The following FAM135B variants were observed in gnomAD, a reference collection of about 807,000 sequenced individuals.
The protein encoded by FAM135B is family with sequence similarity 135 member B.
Under a neutral mutation model 127.7 loss-of-function variants are expected in FAM135B, and 43 were observed. The ratio of observed to expected loss-of-function variants is 0.34; its 90% confidence interval spans 0.26 to 0.43. The LOEUF (loss-of-function observed/expected upper bound fraction) is 0.43. FAM135B is among the 20% of genes least tolerant of loss of function. The probability of loss-of-function intolerance (pLI) is 1.00; values close to 1 mark genes in which losing one functional copy is unlikely to be tolerated. For missense variants in FAM135B, 1,558 were observed against 1,725.6 expected, an observed-to-expected ratio of 0.90 and a Z score of 1.72; for synonymous variants, 670 against 665.1, an observed-to-expected ratio of 1.01 and a Z score of -0.11.
At chr8:138,331,312 C>T (rs946960564) in intron 2 of FAM135B, among the ~76,000 whole-genome samples, 11 of 152,148 alleles carry the variant, frequency 7.2e-5, no homozygotes, top group East Asian at 1.9e-4. Flanking sequence ...CAAAGGTCTT[C>T]GCAGCATTTT....
At chr8:138,291,310 A>G (rs1825093269) in intron 3 of FAM135B, among the ~76,000 whole-genome samples, 2 of 152,182 alleles carry the variant, frequency 1.3e-5, no homozygotes, top group South Asian at 2.1e-4. Flanking sequence ...TTTCTAAGGC[A>G]AGAGACAAAG....
At chr8:138,366,515 C>A (rs1298895750) in intron 2 of FAM135B, among the ~76,000 whole-genome samples, 1 of 152,184 alleles carries the variant, frequency 6.6e-6, no homozygotes, top group Non-Finnish European at 1.5e-5. Flanking sequence ...AAAGCTCAGC[C>A]TCTGTGAATG....
chr8:138,437,910 CATT>C (rs751364797), intron 1 of FAM135B: 1 of 152,136 alleles, frequency 6.6e-6, no homozygotes, highest in Non-Finnish European at 1.5e-5. Context: ...ACATTATTGT[CATT>C]ATAATTCCGA....
chr8:138,384,224 T>C (rs948776355), intron 1 of FAM135B, among the ~76,000 whole-genome samples: 1 of 152,182 alleles, frequency 6.6e-6, no homozygotes, highest in Non-Finnish European at 1.5e-5. Flanking sequence ...ACTGTTGCAA[T>C]GGGCCGGGCC....
chr8:138,151,559 C>A lies in FAM135B; in HGVS notation c.2916G>T (p.Val972=), dbSNP rs1254805980. 2 of 1,614,104 alleles carry A rather than the reference C, an allele frequency of 1.2e-6. No homozygotes were observed. The highest frequency in any genetic ancestry group is 2.2e-5 in the South Asian group (2 of 91,088). The change falls in exon 13 of 20, where the codon GTG becomes GTT. Residue 972 remains valine (V), a synonymous_variant. Coordinates refer to ENST00000395297, the MANE Select transcript of FAM135B (RefSeq NM_015912.4). Reference sequence around the variant, plus strand: ...TATGTTTAGCCTCCGGGAAGGCATTCACTCCTCTATTAAATGCTGTGTCAT... The same window carrying A: ...TATGTTTAGCCTCCGGGAAGGCATTAACTCCTCTATTAAATGCTGTGTCAT... ...IMDDTAFNRG[V]NAFPEAKHKA...
upstream of FAM135B, among the ~76,000 whole-genome samples, chr8:138,497,461 C>G (rs956685381): frequency 6.6e-6 from 1 of 152,092 alleles, no homozygotes; most frequent in Non-Finnish European, 1.5e-5. Context: ...CGGGGCTCCC[C>G]TCTCGAGCCA....
intron 7 of FAM135B, among the ~76,000 whole-genome samples, chr8:138,232,542 G>A (rs956765484): frequency 3.9e-5 from 6 of 152,164 alleles, no homozygotes; most frequent in African/African-American, 1.2e-4. Flanking sequence ...GCCCCCCTTA[G>A]TGTGTGTATG....
At chr8:138,276,195 G>A (rs1563847477) in intron 3 of FAM135B, among the ~76,000 whole-genome samples, 1 of 152,182 alleles carries the variant, frequency 6.6e-6, no homozygotes, top group African/African-American at 2.4e-5. Context: ...TCAGCAAATT[G>A]GAGGCAAAGA....
chr8:138,444,966 G>A (rs1355015120), intron 1 of FAM135B, among the ~76,000 whole-genome samples: 11 of 151,726 alleles, frequency 7.2e-5, no homozygotes, highest in Admixed American at 4.6e-4. Context: ...AATGATAAAG[G>A]GGATATCACC....
intron 2 of FAM135B, among the ~76,000 whole-genome samples, chr8:138,348,623 C>A (rs1322072671): frequency 6.6e-6 from 1 of 152,172 alleles, no homozygotes; most frequent in Non-Finnish European, 1.5e-5. Context: ...CTAATGACTG[C>A]CCACAACAAC....
intron 1 of FAM135B, among the ~76,000 whole-genome samples, chr8:138,384,831 C>T (rs1035084544): frequency 1.3e-5 from 2 of 152,134 alleles, no homozygotes; most frequent in African/African-American, 2.4e-5. Flanking sequence ...AGCCCCCACA[C>T]TGCATCTCTG....
intron 7 of FAM135B, among the ~76,000 whole-genome samples, chr8:138,226,518 T>G (rs572495659): frequency 3.9e-5 from 6 of 152,272 alleles, no homozygotes; most frequent in East Asian, 3.9e-4. Flanking sequence ...GCAAAGGCCC[T>G]GTGGTTGCAC....
At position 138,146,182 on chromosome 8, in the gene FAM135B, A is replaced by G; in HGVS notation, c.3449-132T>C. 5.0e-6 allele frequency: 3 copies of G among 594,990 alleles called. 1 individual carries two copies. In the South Asian group the frequency reaches 6.8e-5, roughly 13 times the overall value. The allele number at this position is 594,990 out of a possible 1,614,324, so 36.9% of individuals were successfully genotyped here. The stretch of plus-strand genomic sequence containing the variant: ...TTTGTCACTTTTGGTTAAGTAGATA[A>G]TATAAACAACTAAAACAGCTAGAAA... On this transcript the variant is annotated intron_variant, in intron 14 of 19. Transcript: ENST00000395297.
intron 3 of FAM135B, among the ~76,000 whole-genome samples, chr8:138,305,965 T>G (rs1288926063): frequency 6.6e-6 from 1 of 152,228 alleles, no homozygotes; most frequent in Non-Finnish European, 1.5e-5. Context: ...GTATATGTTA[T>G]GTCTTATGAT....
intron 2 of FAM135B, among the ~76,000 whole-genome samples, chr8:138,313,681 T>C (rs932507180): frequency 2.8e-5 from 2 of 70,902 alleles, no homozygotes. Flanking sequence ...TAAATTTTAG[T>C]TCATTAAAAC....
At chr8:138,176,636 C>T (rs571787524) in intron 11 of FAM135B, among the ~76,000 whole-genome samples, 20 of 152,328 alleles carry the variant, frequency 1.3e-4, no homozygotes, top group African/African-American at 2.4e-4. Context: ...AAAGTCTCCA[C>T]GTCCATCTTG....
intron 1 of FAM135B, among the ~76,000 whole-genome samples, chr8:138,392,577 G>A (rs921162847): frequency 1.7e-4 from 26 of 151,890 alleles, no homozygotes; most frequent in Admixed American, 7.2e-4. Context: ...CTACTCTGTC[G>A]GGATTTTTCT....
intron 1 of FAM135B, among the ~76,000 whole-genome samples, chr8:138,495,766 T>C (rs1003178176): frequency 3.9e-5 from 6 of 152,206 alleles, no homozygotes; most frequent in African/African-American, 1.4e-4. Context: ...CATCACACTG[T>C]ATGGACAGCC....
chr8:138,209,092 C>A (rs1817937262), intron 7 of FAM135B, among the ~76,000 whole-genome samples: 1 of 152,102 alleles, frequency 6.6e-6, no homozygotes, highest in Non-Finnish European at 1.5e-5. Flanking sequence ...GGGTCAGTCC[C>A]ATTTATCATC....
Sources: allele counts gnomAD v4.1 joint callset (sites outside exome capture counted in the v4.1 genomes callset), GRCh38; gene constraint gnomAD v4.1.1; transcripts MANE v1.5; gene names NCBI Gene and HGNC (gene_info 2026-07-23, HGNC 2026-07-21).